WWTR1: variants seen among roughly 807,000 people sequenced by gnomAD.
WWTR1 encodes the protein WW domain-containing transcription regulator protein 1.
In WWTR1, 13 loss-of-function variants were observed where a neutral mutation model predicts 40.1. The observed-to-expected ratio is 0.32, with a 90% confidence interval of 0.21 to 0.52. The LOEUF is 0.52. Among genes scored for constraint, WWTR1 ranks in the 20% least tolerant of loss-of-function variants. The pLI is 0.97. For missense variants in WWTR1, 436 were observed against 523.1 expected, an observed-to-expected ratio of 0.83 and a Z score of 1.63; for synonymous variants, 230 against 210.1, an observed-to-expected ratio of 1.09 and a Z score of -0.82.
chr3:149,638,688 G>A (rs1475019582), intron 2 of WWTR1, among the ~76,000 whole-genome samples: 1 of 150,904 alleles, frequency 6.6e-6, no homozygotes, highest in Admixed American at 6.6e-5. Flanking sequence ...CAGCCCACAT[G>A]ACATTTCCTT....
At chr3:149,549,831 C>T (rs1406876422) in intron 3 of WWTR1, among the ~76,000 whole-genome samples, 2 of 151,704 alleles carry the variant, frequency 1.3e-5, no homozygotes, top group African/African-American at 4.8e-5. Context: ...AGAGTGAAAC[C>T]TTGTCTCAAA....
intron 1 of WWTR1, among the ~76,000 whole-genome samples, chr3:149,687,920 A>G (rs1714704250): frequency 1.3e-5 from 2 of 151,934 alleles, no homozygotes; most frequent in Admixed American, 6.6e-5. Flanking sequence ...CCTGCTTACT[A>G]AAGGGTCCTT....
rs112288312 is a variant in WWTR1, at chr3:149,674,735, T to C, written c.-107-4844A>G. Reference sequence around the variant, plus strand: ...TTGTTCTTTTAGGGAGATTTCTGTATACTGTTCCTTTGGTTAAGCAAAAGA... The same window carrying C: ...TTGTTCTTTTAGGGAGATTTCTGTACACTGTTCCTTTGGTTAAGCAAAAGA... On this transcript the variant is annotated intron_variant, in intron 1 of 7. Transcript: ENST00000465804. 4.3e-3 allele frequency among the ~76,000 whole-genome samples: 654 copies of C among 152,344 alleles called. 7 individuals carry two copies. The highest frequency in any genetic ancestry group is 0.015 in the African/African-American group (622 of 41,584).
At chr3:149,646,976 G>A (rs1712568943) in intron 2 of WWTR1, among the ~76,000 whole-genome samples, 1 of 151,882 alleles carries the variant, frequency 6.6e-6, no homozygotes, top group Non-Finnish European at 1.5e-5. Context: ...ATACTATGTG[G>A]TCCTTAAAAA....
chr3:149,677,992 A>T (rs991759960), intron 1 of WWTR1, among the ~76,000 whole-genome samples: 3 of 151,580 alleles, frequency 2.0e-5, no homozygotes, highest in African/African-American at 7.3e-5. Flanking sequence ...GCTGATCTCG[A>T]ACTCCTGATC....
In WWTR1 at chr3:149,709,044, C is replaced by T. The variant is rs1477031218; in HGVS notation, n.585-5716G>A. Among the ~76,000 whole-genome samples, 15 of 152,054 alleles carry T rather than the reference C, an allele frequency of 9.9e-5. 1 individual carries two copies. The highest frequency in any genetic ancestry group is 9.2e-4 in the Admixed American group (14 of 15,280). Reference sequence around the variant, plus strand: ...TTTCTTGAGACACGGTCTCGCTCTGCCACCCACTGCAACCTCTGCCTCCCG... The same window carrying T: ...TTTCTTGAGACACGGTCTCGCTCTGTCACCCACTGCAACCTCTGCCTCCCG... On this transcript the variant is annotated intron_variant and non_coding_transcript_variant, in intron 5 of 6. Coordinates refer to the WWTR1 transcript ENST00000474080.
intron 1 of WWTR1, among the ~76,000 whole-genome samples, chr3:149,680,585 C>T (rs1003080234): frequency 5.7e-5 from 8 of 140,396 alleles, no homozygotes; most frequent in Non-Finnish European, 1.1e-4. Flanking sequence ...AACAAAAAAA[C>T]GTATTTGGGA....
intron 2 of WWTR1, among the ~76,000 whole-genome samples, chr3:149,646,021 C>T (rs1485617830): frequency 1.3e-5 from 2 of 152,166 alleles, no homozygotes; most frequent in Non-Finnish European, 2.9e-5. Flanking sequence ...TACTAGAAAA[C>T]AGATTATATA....
upstream of WWTR1, among the ~76,000 whole-genome samples, chr3:149,706,127 T>C (rs113195113): frequency 0.032 from 4,801 of 151,926 alleles, 163 homozygotes; most frequent in East Asian, 0.13. Flanking sequence ...GCCTGGGAGG[T>C]GGAGGCTGCA....
intron 6 of WWTR1, among the ~76,000 whole-genome samples, chr3:149,522,067 C>T (rs1379885342): frequency 6.6e-6 from 1 of 152,128 alleles, no homozygotes; most frequent in Admixed American, 6.5e-5. Flanking sequence ...AATATCAAAA[C>T]AACAGGTTAA....
chr3:149,597,767 G>A (rs779863586), intron 2 of WWTR1, among the ~76,000 whole-genome samples: 1 of 152,154 alleles, frequency 6.6e-6, no homozygotes, highest in African/African-American at 2.4e-5. Flanking sequence ...GAAAAGCAAG[G>A]AGTCCAACCT....
intron 2 of WWTR1, among the ~76,000 whole-genome samples, chr3:149,603,228 T>G (rs1184727158): frequency 6.6e-6 from 1 of 151,920 alleles, no homozygotes; most frequent in Non-Finnish European, 1.5e-5. Flanking sequence ...CCTCAAGAAA[T>G]GATTTACTAA....
chr3:149,664,176 G>A (rs914506456), intron 2 of WWTR1, among the ~76,000 whole-genome samples: 1 of 152,250 alleles, frequency 6.6e-6, no homozygotes, highest in African/African-American at 2.4e-5. Context: ...GGCAGAACCT[G>A]CCCTGACTTG....
intron 2 of WWTR1, among the ~76,000 whole-genome samples, chr3:149,644,855 T>A (rs1712395762): frequency 1.3e-5 from 2 of 152,190 alleles, no homozygotes; most frequent in Middle Eastern, 3.4e-3. Context: ...TCACTTCTTT[T>A]TTTACTTATT....
chr3:149,709,721 T>C (rs1354543994), intron 5 of WWTR1, among the ~76,000 whole-genome samples: 1 of 151,914 alleles, frequency 6.6e-6, no homozygotes, highest in Admixed American at 6.6e-5. Flanking sequence ...CCTGATCAAC[T>C]TGGTGAAATC....
intron 2 of WWTR1, among the ~76,000 whole-genome samples, chr3:149,639,865 G>A (rs1221310541): frequency 6.6e-6 from 1 of 151,882 alleles, no homozygotes; most frequent in Non-Finnish European, 1.5e-5. Flanking sequence ...GTGGTGGTGG[G>A]CACTTGTAGT....
At position 149,656,785 on chromosome 3, in the gene WWTR1, T is replaced by TCACACACA. The variant is rs1373516706; in HGVS notation, c.431+90_431+91insTGTGTGTG. ...CTCTTTCTCTCTCTCTCTCTCTCTC[T>TCACACACA]CTCTCTCACACACACACACACACAC... On this transcript the variant is annotated intron_variant, in intron 2 of 6. Coordinates refer to ENST00000360632, the MANE Select transcript of WWTR1 (RefSeq NM_015472.6). The TCACACACA allele has an allele frequency of 3.7e-4, 323 of 876,372 alleles. No individual in the cohort carries two copies. The Middle Eastern group carries it at 4.1e-3, about 11-fold the overall frequency. The allele number at this position is 876,372 out of a possible 1,614,324, so 54.3% of individuals were successfully genotyped here.
rs540012891 is a variant in WWTR1, at chr3:149,573,506, G to A, written c.432-506C>T. Among the ~76,000 whole-genome samples the A allele has an allele frequency of 1.2e-4, 18 of 152,262 alleles. No individual in the cohort carries two copies. In the South Asian group the frequency reaches 3.7e-3, roughly 32 times the overall value. On this transcript the variant is annotated intron_variant, in intron 2 of 6. Transcript: ENST00000360632. ...CAGCTTCTGAACACCACATTAGTGA[G>A]CTCTCACAGTAGGAGTGTAAGGTAT...
At chr3:149,715,459 C>G (rs1156364283) in intron 5 of WWTR1, among the ~76,000 whole-genome samples, 2 of 152,252 alleles carry the variant, frequency 1.3e-5, no homozygotes, top group Non-Finnish European at 2.9e-5. Flanking sequence ...CTGCCTGCCC[C>G]CTGGCAGCAG....
Sources: gnomAD v4.1 joint callset for allele counts (sites outside exome capture counted in the v4.1 genomes callset) on GRCh38, gnomAD v4.1.1 for gene constraint, MANE v1.5 for transcripts, NCBI Gene and HGNC (gene_info 2026-07-23, HGNC 2026-07-21) for gene names.